Variants in UCP1 observed in about 807,000 individuals in gnomAD.
UCP1 encodes mitochondrial brown fat uncoupling protein 1.
In UCP1, 24 loss-of-function variants were observed where a neutral mutation model predicts 26.2. That is an observed-to-expected ratio of 0.92 (90% CI 0.66 to 1.29). The LOEUF is 1.29. Among genes scored for constraint, UCP1 ranks in the 50% most tolerant of loss-of-function variants. UCP1 has a pLI of 0.00. For missense variants in UCP1, 402 were observed against 388.7 expected, an observed-to-expected ratio of 1.03 and a Z score of -0.29; for synonymous variants, 164 against 156.8, an observed-to-expected ratio of 1.05 and a Z score of -0.34.
In UCP1 at chr4:140,568,808, A is replaced by C; in HGVS notation, c.-79T>G. ...AGGAAGTTCCTTTCCCTTGCTCTTC[A>C]CGCCTGTCCGCCGGGCAGCAAACCC... On this transcript the variant is annotated 5_prime_UTR_variant, in exon 1 of 6. Transcript: ENST00000262999. The C allele has an allele frequency of 6.5e-7, 1 of 1,531,864 alleles. No individual in the cohort carries two copies. The highest frequency in any genetic ancestry group is 8.8e-7 in the Non-Finnish European group (1 of 1,142,672). 94.9% of individuals were successfully genotyped at this position (1,531,864 alleles called of 1,614,324 possible).
intron 2 of UCP1, 147 bp downstream of exon 2, chr4:140,567,632 T>C: frequency 9.7e-7 from 1 of 1,034,638 alleles, no homozygotes; most frequent in Admixed American, 2.1e-5. Context: ...CTATGAACAA[T>C]GAGCTAATGT....
chr4:140,568,148 T>A (rs968590638), intron 1 of UCP1, among the ~76,000 whole-genome samples, 171 bp from the exon 2 acceptor site: 3 of 138,416 alleles, frequency 2.2e-5, no homozygotes, highest in African/African-American at 2.9e-5. Context: ...TGTGTGTGTG[T>A]GTGTGTGTTC....
chr4:140,560,369 C>T (rs1735650067), intron 5 of UCP1, among the ~76,000 whole-genome samples: 2 of 152,168 alleles, frequency 1.3e-5, no homozygotes, highest in South Asian at 4.1e-4. Context: ...AACAACACAG[C>T]CCTGATGATC....
At position 140,560,004 on chromosome 4, in the gene UCP1, T is replaced by C. The variant is rs1346034290; in HGVS notation, c.816A>G (p.Val272=). The C allele has an allele frequency of 1.2e-6, 2 of 1,613,326 alleles. No homozygotes were observed. The highest frequency in any genetic ancestry group is 3.3e-5 in the Admixed American group (2 of 59,946). Residue 272 remains valine, a synonymous_variant, in exon 6 of 6, where the codon GTA becomes GTG. Transcript: ENST00000262999. The part of the protein sequence containing the change: ...EGPTAFFKGL[V]PSFLRLGSWN... Reference sequence around the variant, plus strand: ...AGGATCCAAGTCGCAAGAAGGAAGGTACCAACCTAGAAAAGTGCATGTCAT... The same window carrying C: ...AGGATCCAAGTCGCAAGAAGGAAGGCACCAACCTAGAAAAGTGCATGTCAT...
Position 140,567,965 on chromosome 4 carries a change from A to C in UCP1, c.139T>G (p.Cys47Gly). Residue 47 changes from cysteine to glycine, a missense_variant, in exon 2 of 6, where the codon TGC (cysteine) becomes GGC (glycine). Coordinates refer to ENST00000262999, the MANE Select transcript of UCP1 (RefSeq NM_021833.5). ...TACCTAATAACACTGGACGTCGGGC[A>C]TTCACCTTGGACCTGGAAATAAGAA... The part of the protein sequence containing the change: ...AKVRLQVQGE[C>G]PTSSVIRYKG... 3 of 1,614,212 alleles carry C rather than the reference A, an allele frequency of 1.9e-6. No individual in the cohort carries two copies. Among genetic ancestry groups the C allele is most frequent in the Non-Finnish European group, 8.5e-7 (1 of 1,180,034 alleles).
chr4:140,567,807 G>T lies in UCP1; in HGVS notation c.297C>A (p.Val99=), dbSNP rs1170729831. ...ASLRIGLYDT[V]QEFLTAGKET... ...CTTTCCCTGCGGTGAGGAACTCCTG[G>T]ACCGTGTCGTAGAGGCCGATCCTGA... Residue 99 remains valine (V), a synonymous_variant, in exon 2 of 6, where the codon GTC becomes GTA. Transcript: ENST00000262999. The T allele has an allele frequency of 6.2e-7, 1 of 1,614,086 alleles. No individual in the cohort carries two copies. The highest frequency in any genetic ancestry group is 1.3e-5 in the African/African-American group (1 of 75,018).
At chr4:140,564,854 T>C (rs1256642873) in intron 2 of UCP1, among the ~76,000 whole-genome samples, 1 of 95,996 alleles carries the variant, frequency 1.0e-5, no homozygotes, top group Non-Finnish European at 2.2e-5. Flanking sequence ...GAAAAGAGGC[T>C]TTTTTTTTAA....
At chr4:140,565,205 C>T (rs1055155480) in intron 2 of UCP1, among the ~76,000 whole-genome samples, 1 of 152,176 alleles carries the variant, frequency 6.6e-6, no homozygotes, top group Admixed American at 6.5e-5. Flanking sequence ...CCCCCTAAGA[C>T]AGCTTCTATA....
intron 2 of UCP1, among the ~76,000 whole-genome samples, chr4:140,564,488 T>TATA (rs1735754728): frequency 1.3e-5 from 2 of 152,218 alleles, no homozygotes; most frequent in African/African-American, 4.8e-5. Flanking sequence ...TCTCAGTCAT[T>TATA]ATAATTCTGT....
At position 140,568,593 on chromosome 4, in the gene UCP1, T is replaced by A. The variant is rs765401579; in HGVS notation, c.126+11A>T. 6.2e-7 allele frequency: 1 copy of A among 1,613,588 alleles called. No individual in the cohort carries two copies. Among genetic ancestry groups the A allele is most frequent in the Non-Finnish European group, 8.5e-7 (1 of 1,179,948 alleles). Reference sequence around the variant, plus strand: ...CCTGAGACCCCTTGTCTTACCCCTCTGCCTAGCTACCTGGAGCCGGACTTT... The same window carrying A: ...CCTGAGACCCCTTGTCTTACCCCTCAGCCTAGCTACCTGGAGCCGGACTTT... On this transcript the variant is annotated intron_variant, in intron 1 of 5. Coordinates refer to ENST00000262999, the MANE Select transcript of UCP1 (RefSeq NM_021833.5).
In UCP1 at chr4:140,560,009, A is replaced by G. The variant is rs201249845; in HGVS notation, c.811T>C (p.Leu271=). The G allele has an allele frequency of 2.0e-5, 32 of 1,612,752 alleles. No individual in the cohort carries two copies. In the East Asian group the frequency reaches 4.2e-4, roughly 21 times the overall value. ...NEGPTAFFKG[L]VPSFLRLGSW... is the part of the protein sequence containing the mutation. ...CCAAGTCGCAAGAAGGAAGGTACCA[A>G]CCTAGAAAAGTGCATGTCATCGTTC... The change falls in exon 6 of 6, where the codon TTG becomes CTG. Residue 271 remains leucine (L), a splice_region_variant and synonymous_variant. Coordinates refer to ENST00000262999, the MANE Select transcript of UCP1 (RefSeq NM_021833.5).
Position 140,559,653 on chromosome 4 carries a change from T to G in UCP1, c.*243A>C. ...AAATGGTCAAATGCAGTAGCTTATC[T>G]GCATTACATTTGCCAGGGTATATGC... On this transcript the variant is annotated 3_prime_UTR_variant, in exon 6 of 6. Coordinates refer to ENST00000262999, the MANE Select transcript of UCP1 (RefSeq NM_021833.5). The G allele has an allele frequency of 2.0e-6, 1 of 511,738 alleles. No homozygotes were observed. The highest frequency in any genetic ancestry group is 3.5e-6 in the Non-Finnish European group (1 of 287,566). 31.7% of individuals were successfully genotyped at this position (511,738 alleles called of 1,614,324 possible). A position where few individuals can be genotyped will look rare whatever the true frequency, so the allele number is the denominator to read the frequency against.
Position 140,562,401 on chromosome 4 carries a change from C to T in UCP1, c.629-28G>A, listed in dbSNP as rs372950293. ...AAAATGGATCGATGAAACAGGTCAA[C>T]ATCAGACTTTTGGGGGCTTGCAATT... On this transcript the variant is annotated intron_variant, in intron 4 of 5. Coordinates refer to ENST00000262999, the MANE Select transcript of UCP1 (RefSeq NM_021833.5). 12 of 1,612,440 alleles carry T rather than the reference C, an allele frequency of 7.4e-6. No homozygotes were observed. In the African/African-American group the frequency reaches 8.0e-5, roughly 11 times the overall value.
In UCP1 at chr4:140,568,712, G is replaced by T; in HGVS notation, c.18C>A (p.Ala6=). 2 of 1,596,778 alleles carry T rather than the reference G, an allele frequency of 1.3e-6. No individual in the cohort carries two copies. The highest frequency in any genetic ancestry group is 1.7e-6 in the Non-Finnish European group (2 of 1,173,374). MGGLT[A]SDVHPTLGVQ... is the part of the protein sequence containing the mutation. ...CCCCCAGGGTCGGGTGTACGTCCGA[G>T]GCTGTCAGGCCCCCCATCTTCACTC... Residue 6 remains alanine (A), a synonymous_variant, in exon 1 of 6, where the codon GCC becomes GCA. Coordinates refer to ENST00000262999, the MANE Select transcript of UCP1 (RefSeq NM_021833.5).
intron 4 of UCP1, 87 bp from the exon 5 acceptor site, chr4:140,562,460 T>G (rs1038192576): frequency 7.5e-7 from 1 of 1,328,258 alleles, no homozygotes; most frequent in Non-Finnish European, 1.1e-6. Context: ...AACCTATTGA[T>G]AACAGTAGGT....
At position 140,568,905 on chromosome 4, in the gene UCP1, T is replaced by C. The variant is rs980122490; in HGVS notation, c.-176A>G. 27 of 957,574 alleles carry C rather than the reference T, an allele frequency of 2.8e-5. No individual in the cohort carries two copies. Among genetic ancestry groups the C allele is most frequent in the Non-Finnish European group, 2.9e-5 (19 of 655,814 alleles). The allele number at this position is 957,574 out of a possible 1,614,324, so 59.3% of individuals were successfully genotyped here. On this transcript the variant is annotated 5_prime_UTR_variant, in exon 1 of 6. Coordinates refer to ENST00000262999, the MANE Select transcript of UCP1 (RefSeq NM_021833.5). Reference sequence around the variant, plus strand: ...CGGCGGCTGCAGACGGAGCGCGGTGTTGGGGGCCGAGTCCCCGCGTCCCCT... The same window carrying C: ...CGGCGGCTGCAGACGGAGCGCGGTGCTGGGGGCCGAGTCCCCGCGTCCCCT...
Position 140,559,781 on chromosome 4 carries a change from T to C in UCP1, c.*115A>G, listed in dbSNP as rs908063477. 9.8e-7 allele frequency: 1 copy of C among 1,017,644 alleles called. No individual in the cohort carries two copies. 63.0% of individuals were successfully genotyped at this position (1,017,644 alleles called of 1,614,324 possible). A position where few individuals can be genotyped will look rare whatever the true frequency, so the allele number is the denominator to read the frequency against. On this transcript the variant is annotated 3_prime_UTR_variant, in exon 6 of 6. Coordinates refer to ENST00000262999, the MANE Select transcript of UCP1 (RefSeq NM_021833.5). Reference sequence around the variant, plus strand: ...TTTTATATAAAAAAGTCCAAAATTCTCTGCCAAAATTCCTTTATCTTTTTA... The same window carrying C: ...TTTTATATAAAAAAGTCCAAAATTCCCTGCCAAAATTCCTTTATCTTTTTA...
intron 2 of UCP1, 34 bp downstream of exon 2, chr4:140,567,745 T>C: frequency 6.2e-7 from 1 of 1,612,806 alleles, no homozygotes; most frequent in Non-Finnish European, 8.5e-7. Context: ...AGCCCAAGGC[T>C]TTTCTGCCCC....
chr4:140,568,102 C>A (rs1165162971), intron 1 of UCP1, 125 bp from the exon 2 acceptor site: 2 of 922,892 alleles, frequency 2.2e-6, no homozygotes, highest in Non-Finnish European at 3.3e-6. Flanking sequence ...ATCCACCTCC[C>A]TCTACCGTGT....
Sources: gnomAD v4.1 joint callset for allele counts (sites outside exome capture counted in the v4.1 genomes callset) on GRCh38, gnomAD v4.1.1 for gene constraint, MANE v1.5 for transcripts, NCBI Gene and HGNC (gene_info 2026-07-23, HGNC 2026-07-21) for gene names.